NTN1: variants seen among roughly 807,000 people sequenced by gnomAD.
The protein encoded by NTN1 is netrin 1.
In NTN1, 11 loss-of-function variants were observed where a neutral mutation model predicts 54.2. The ratio of observed to expected loss-of-function variants is 0.20; its 90% CI spans 0.13 to 0.34. NTN1 has a LOEUF of 0.34. Among genes scored for constraint, NTN1 ranks in the 10% least tolerant of loss-of-function variants. The pLI is 1.00. For missense variants in NTN1, 740 were observed against 893.1 expected, an observed-to-expected ratio of 0.83 and a Z score of 2.18; for synonymous variants, 371 against 382.0, an observed-to-expected ratio of 0.97 and a Z score of 0.33.
intron 5 of NTN1, among the ~76,000 whole-genome samples, chr17:9,217,876 A>G (rs1433340727): frequency 1.5e-5 from 2 of 130,584 alleles, no homozygotes; most frequent in Non-Finnish European, 3.3e-5. Context: ...AAAAAAAAAA[A>G]GCAAACGCAA....
At chr17:9,203,477 T>C (rs1277656558) in intron 5 of NTN1, among the ~76,000 whole-genome samples, 1 of 152,092 alleles carries the variant, frequency 6.6e-6, no homozygotes, top group Non-Finnish European at 1.5e-5. Flanking sequence ...AGGGAGGAAA[T>C]GGCTGGTCTC....
intron 2 of NTN1, among the ~76,000 whole-genome samples, chr17:9,046,352 A>G (rs557727204): frequency 6.6e-6 from 1 of 152,362 alleles, no homozygotes; most frequent in South Asian, 2.1e-4. Context: ...ATACCACTTT[A>G]CATTCACTAG....
the NTN1 span, among the ~76,000 whole-genome samples, chr17:9,003,457 A>G: frequency 6.6e-6 from 1 of 151,070 alleles, no homozygotes; most frequent in East Asian, 1.9e-4. The surrounding 1 kb of genome is among the most constrained non-coding windows in gnomAD (Gnocchi z 7.4). Context: ...GGTCCCGGCG[A>G]GCCCCAGCCT....
chr17:9,194,799 T>G (rs1904578504), intron 5 of NTN1, among the ~76,000 whole-genome samples: 1 of 152,190 alleles, frequency 6.6e-6, no homozygotes, highest in Non-Finnish European at 1.5e-5. Flanking sequence ...ACTCTTCTAG[T>G]GGGGGGACCT....
upstream of NTN1, among the ~76,000 whole-genome samples, chr17:9,018,181 G>C (rs760784297): frequency 6.6e-6 from 1 of 152,110 alleles, no homozygotes; most frequent in South Asian, 2.1e-4. Context: ...TACTAAAGAT[G>C]ATAAGCGTAG....
chr17:9,179,729 C>T, intron 3 of NTN1, 78 bp from the exon 4 acceptor site: 1 of 1,531,788 alleles, frequency 6.5e-7, no homozygotes, highest in Non-Finnish European at 8.8e-7. Context: ...TGGAGGCAGC[C>T]CTGGGTAGGG....
the NTN1 span, among the ~76,000 whole-genome samples, chr17:9,007,336 T>G: frequency 1.4e-5 from 2 of 141,614 alleles, no homozygotes; most frequent in Non-Finnish European, 3.2e-5. Flanking sequence ...CTTCCTTTTT[T>G]CTTTCTTTCT....
intron 2 of NTN1, among the ~76,000 whole-genome samples, chr17:9,065,936 C>G (rs1005409247): frequency 2.0e-5 from 3 of 152,222 alleles, no homozygotes; most frequent in South Asian, 4.1e-4. Context: ...ACTAGAATAT[C>G]TACCTTTAGC....
intron 2 of NTN1, among the ~76,000 whole-genome samples, chr17:9,111,753 A>T (rs1394093937): frequency 6.6e-6 from 1 of 152,218 alleles, no homozygotes; most frequent in Non-Finnish European, 1.5e-5. Flanking sequence ...AGAAAATGTT[A>T]TTGGGAAAAT....
At chr17:9,033,246 G>C (rs1037792889) in intron 2 of NTN1, among the ~76,000 whole-genome samples, 2 of 152,052 alleles carry the variant, frequency 1.3e-5, no homozygotes, top group Non-Finnish European at 2.9e-5. Flanking sequence ...GAGCCACCGT[G>C]CCCGGCCCAA....
At chr17:9,121,142 A>G (rs1320964646) in intron 2 of NTN1, among the ~76,000 whole-genome samples, 1 of 152,158 alleles carries the variant, frequency 6.6e-6, no homozygotes, top group African/African-American at 2.4e-5. Flanking sequence ...GGATGTCATC[A>G]TTAAAAATCC....
chr17:9,102,942 T>A (rs1333241226), intron 2 of NTN1, among the ~76,000 whole-genome samples: 1 of 152,152 alleles, frequency 6.6e-6, no homozygotes, highest in Non-Finnish European at 1.5e-5. Context: ...GCAGTCACGA[T>A]ATTGGCTACC....
the NTN1 span, among the ~76,000 whole-genome samples, chr17:9,014,203 T>C: frequency 6.6e-6 from 1 of 152,040 alleles, no homozygotes; most frequent in African/African-American, 2.4e-5. Context: ...GACAGTCACA[T>C]CTCCTGAAAT....
intron 2 of NTN1, among the ~76,000 whole-genome samples, chr17:9,095,443 T>C (rs1313214636): frequency 6.6e-6 from 1 of 152,236 alleles, no homozygotes; most frequent in East Asian, 1.9e-4. Context: ...AATGATCTGA[T>C]GTAAGGTAAA....
At chr17:9,181,462 C>A (rs1185575616) in intron 4 of NTN1, among the ~76,000 whole-genome samples, 1 of 152,174 alleles carries the variant, frequency 6.6e-6, no homozygotes, top group East Asian at 1.9e-4. Flanking sequence ...GATGTTGCCT[C>A]CAGGATGTTC....
At chr17:9,013,077 G>A in the NTN1 span, among the ~76,000 whole-genome samples, 2 of 152,028 alleles carry the variant, frequency 1.3e-5, no homozygotes, top group East Asian at 1.9e-4. Flanking sequence ...GGTGGAACTT[G>A]CTGGCATTTA....
chr17:9,161,791 C>G (rs2142297986), intron 2 of NTN1, among the ~76,000 whole-genome samples: 1 of 152,278 alleles, frequency 6.6e-6, no homozygotes, highest in South Asian at 2.1e-4. Context: ...AAACAACAAA[C>G]AAACAAAAAG....
intron 2 of NTN1, among the ~76,000 whole-genome samples, chr17:9,072,848 C>A (rs1033719077): frequency 6.6e-6 from 1 of 152,208 alleles, no homozygotes; most frequent in Admixed American, 6.5e-5. Context: ...CTCTCCTAGT[C>A]GGGGAACCAG....
chr17:9,034,300 G>T (rs1395172553), intron 2 of NTN1, among the ~76,000 whole-genome samples: 2 of 152,092 alleles, frequency 1.3e-5, no homozygotes, highest in African/African-American at 4.8e-5. Flanking sequence ...TAGACCTTGG[G>T]ATTTTATCAG....
Sources: gnomAD v4.1 joint callset for allele counts (sites outside exome capture counted in the v4.1 genomes callset) on GRCh38, gnomAD v4.1.1 for gene constraint, Gnocchi (gnomAD v3.1) non-coding constraint, MANE v1.5 for transcripts, NCBI Gene and HGNC (gene_info 2026-07-23, HGNC 2026-07-21) for gene names.